CRACD: variants seen among roughly 807,000 people sequenced by gnomAD.
CRACD encodes the protein capping protein-inhibiting regulator of actin dynamics.
A neutral mutation model predicts 106.8 loss-of-function variants in CRACD; 56 were observed. That is an observed-to-expected ratio of 0.52 (90% CI 0.42 to 0.66). CRACD has a LOEUF of 0.66. Ranked by LOEUF, CRACD falls within the 30% of genes least tolerant of loss-of-function variation. The pLI is 0.00. For missense variants in CRACD, 1,730 were observed against 1,623.2 expected (o/e 1.07, Z -1.13); for synonymous variants, 754 against 670.8 (o/e 1.12, Z -1.92).
chr4:56,158,888 G>A (rs963235574), intron 1 of CRACD, among the ~76,000 whole-genome samples: 2 of 152,198 alleles, frequency 1.3e-5, no homozygotes, highest in Admixed American at 6.5e-5. Context: ...AAGCCTGCAC[G>A]CTTTCTCCCC....
At chr4:56,246,873 C>T (rs188903550) in intron 2 of CRACD, among the ~76,000 whole-genome samples, 3 of 152,186 alleles carry the variant, frequency 2.0e-5, no homozygotes, top group Non-Finnish European at 2.9e-5. Flanking sequence ...AATCCCCCAA[C>T]ATTGTTATTA....
chr4:56,281,454 T>C (rs1274948719), intron 3 of CRACD, among the ~76,000 whole-genome samples: 1 of 152,068 alleles, frequency 6.6e-6, no homozygotes, highest in East Asian at 1.9e-4. Flanking sequence ...ATGTGGTAAA[T>C]GCAGCAGAAC....
chr4:56,183,341 T>C (rs187194318), intron 2 of CRACD, among the ~76,000 whole-genome samples: 3 of 151,910 alleles, frequency 2.0e-5, no homozygotes, highest in Admixed American at 2.0e-4. Flanking sequence ...TTCATTATGT[T>C]TAAAGATTCC....
At chr4:56,277,646 T>C (rs1342100446) in intron 3 of CRACD, among the ~76,000 whole-genome samples, 1 of 152,174 alleles carries the variant, frequency 6.6e-6, no homozygotes, top group African/African-American at 2.4e-5. Context: ...AGTACTATAC[T>C]GTTGGCTATA....
intron 2 of CRACD, among the ~76,000 whole-genome samples, chr4:56,220,383 C>A (rs1434063043): frequency 6.6e-6 from 1 of 152,176 alleles, no homozygotes; most frequent in Non-Finnish European, 1.5e-5. Flanking sequence ...TCACTCTGCT[C>A]ACTAGGATAT....
At chr4:56,111,606 A>G (rs1323235085) in intron 1 of CRACD, among the ~76,000 whole-genome samples, 1 of 152,204 alleles carries the variant, frequency 6.6e-6, no homozygotes, top group Non-Finnish European at 1.5e-5. Flanking sequence ...CAGTGGCGCA[A>G]TCTTGGCTCA....
At chr4:56,128,266 T>C (rs1734719725) in intron 1 of CRACD, among the ~76,000 whole-genome samples, 1 of 152,206 alleles carries the variant, frequency 6.6e-6, no homozygotes, top group African/African-American at 2.4e-5. Context: ...TATAAAATAA[T>C]ACATGACTTT....
intron 10 of CRACD, among the ~76,000 whole-genome samples, chr4:56,325,500 A>G (rs1746385821): frequency 6.6e-6 from 1 of 152,238 alleles, no homozygotes; most frequent in Non-Finnish European, 1.5e-5. Context: ...GATTTCACGC[A>G]GCGGGTTTCT....
intron 3 of CRACD, among the ~76,000 whole-genome samples, chr4:56,291,312 A>G (rs1743689483): frequency 1.3e-5 from 2 of 152,230 alleles, no homozygotes; most frequent in South Asian, 4.1e-4. Flanking sequence ...AGAATAAAGA[A>G]GTCCGGACGA....
At chr4:56,066,073 T>A (rs1365491025) in intron 1 of CRACD, among the ~76,000 whole-genome samples, 1 of 152,216 alleles carries the variant, frequency 6.6e-6, no homozygotes, top group Non-Finnish European at 1.5e-5. Flanking sequence ...TATCACATTT[T>A]ATTTATCCAT....
chr4:56,193,865 T>C (rs1737488720), intron 2 of CRACD, among the ~76,000 whole-genome samples: 1 of 152,090 alleles, frequency 6.6e-6, no homozygotes, highest in African/African-American at 2.4e-5. Flanking sequence ...TTTGTTGAGG[T>C]TGTAAAATCA....
At chr4:56,266,084 GA>G (rs1306136603) in intron 2 of CRACD, among the ~76,000 whole-genome samples, 1 of 151,168 alleles carries the variant, frequency 6.6e-6, no homozygotes, top group Non-Finnish European at 1.5e-5. Context: ...AAAAAAACCT[GA>G]AGTAATTATT....
rs1259862155 is a variant in CRACD at position 56,214,673 on chromosome 4, C to CTA, written c.-189+35244_-189+35245insAT. On this transcript the variant is annotated intron_variant, in intron 2 of 10. Coordinates refer to ENST00000682029, the MANE Select transcript of CRACD (RefSeq NM_001393381.1). ...AGACACTCTCTCTCTCTCTCTCTCT[C>CTA]TCTCTCTCTATATATATATATATCA... Among the ~76,000 whole-genome samples, 4 of 72,952 alleles carry CTA rather than the reference C, an allele frequency of 5.5e-5. 1 individual carries two copies. The highest frequency in any genetic ancestry group is 8.7e-5 in the Non-Finnish European group (3 of 34,604). The allele number at this position is 72,952 out of a possible 152,430, so 47.9% of individuals were successfully genotyped here.
chr4:56,324,630 C>T (rs559525688), intron 10 of CRACD, among the ~76,000 whole-genome samples: 2 of 152,304 alleles, frequency 1.3e-5, no homozygotes, highest in East Asian at 1.9e-4. Flanking sequence ...TTTAGCACGG[C>T]AGTATGAGCC....
rs3036818 is a variant in CRACD, at chr4:56,176,431, C to CTTTT, written c.-335-2841_-335-2838dup. Among the ~76,000 whole-genome samples, 1,159 of 137,196 alleles carry CTTTT rather than the reference C, an allele frequency of 8.4e-3. 31 individuals carry two copies. The highest frequency in any genetic ancestry group is 0.026 in the Middle Eastern group (7 of 268). The allele number at this position is 137,196 out of a possible 152,430, so 90.0% of individuals were successfully genotyped here. ...TGAGCATGGAATATCCTTCCAATTT[C>CTTTT]TTTTTTTTTTTTTTTGAGATGGAGA... On this transcript the variant is annotated intron_variant, in intron 1 of 10. Coordinates refer to ENST00000682029, the MANE Select transcript of CRACD (RefSeq NM_001393381.1).
At chr4:56,172,629 ATT>A (rs952890770) in intron 1 of CRACD, among the ~76,000 whole-genome samples, 1 of 145,046 alleles carries the variant, frequency 6.9e-6, no homozygotes, top group Admixed American at 6.9e-5. Context: ...CGCCCAGCTA[ATT>A]TTTTTTTTTT....
chr4:56,205,905 A>T (rs970531150), intron 2 of CRACD, among the ~76,000 whole-genome samples: 2 of 152,220 alleles, frequency 1.3e-5, no homozygotes, highest in Non-Finnish European at 2.9e-5. Flanking sequence ...CTACCCATGG[A>T]CTTAGAGATA....
chr4:56,262,128 G>C (rs1324396224), intron 2 of CRACD, among the ~76,000 whole-genome samples: 1 of 152,148 alleles, frequency 6.6e-6, no homozygotes, highest in Non-Finnish European at 1.5e-5. Context: ...ATGACACTTT[G>C]CCTTGAAAAA....
chr4:56,209,133 A>G (rs1738275475), intron 2 of CRACD, among the ~76,000 whole-genome samples: 1 of 152,252 alleles, frequency 6.6e-6, no homozygotes, highest in South Asian at 2.1e-4. Context: ...ATAAAACCTT[A>G]TAAACAAACT....
Sources: allele counts gnomAD v4.1 joint callset (sites outside exome capture counted in the v4.1 genomes callset), GRCh38; gene constraint gnomAD v4.1.1; transcripts MANE v1.5; gene names NCBI Gene and HGNC (gene_info 2026-07-23, HGNC 2026-07-21).